Variants in DDX10 observed in about 807,000 individuals in gnomAD.
The protein encoded by DDX10 is probable ATP-dependent RNA helicase DDX10.
Under a neutral mutation model 104.3 loss-of-function variants are expected in DDX10, and 74 were observed. That is an observed-to-expected ratio of 0.71 (90% CI 0.59 to 0.86). The LOEUF is 0.86. DDX10 is among the 40% of genes least tolerant of loss of function. The pLI, the probability that DDX10 is intolerant of heterozygous loss-of-function variation, is 0.00. For missense variants in DDX10, 952 were observed against 1,040.0 expected, an observed-to-expected ratio of 0.92 and a Z score of 1.16; for synonymous variants, 351 against 353.4, an observed-to-expected ratio of 0.99 and a Z score of 0.08.
At chr11:108,684,832 C>T (rs1182369426) in intron 6 of DDX10, among the ~76,000 whole-genome samples, 125 of 148,120 alleles carry the variant, frequency 8.4e-4, no homozygotes, top group African/African-American at 3.0e-3. Context: ...GTAAAAGTGT[C>T]CCTATTTCTC....
At chr11:108,817,186 G>T (rs781241565) in intron 13 of DDX10, among the ~76,000 whole-genome samples, 1 of 152,194 alleles carries the variant, frequency 6.6e-6, no homozygotes, top group Non-Finnish European at 1.5e-5. Context: ...AGGACTTGCT[G>T]TATTCTTTCT....
chr11:108,807,665 A>C (rs879813776), intron 13 of DDX10, among the ~76,000 whole-genome samples: 2 of 152,190 alleles, frequency 1.3e-5, no homozygotes, highest in African/African-American at 2.4e-5. Flanking sequence ...GGTAAGGTTG[A>C]CATGCCTTCT....
At chr11:108,836,867 G>C (rs1862562596) in intron 13 of DDX10, among the ~76,000 whole-genome samples, 1 of 152,052 alleles carries the variant, frequency 6.6e-6, no homozygotes, top group South Asian at 2.1e-4. Flanking sequence ...TTTTTTGTGT[G>C]TACTTACTAC....
intron 16 of DDX10, among the ~76,000 whole-genome samples, chr11:108,867,207 G>A (rs925965367): frequency 5.3e-5 from 8 of 152,142 alleles, no homozygotes; most frequent in African/African-American, 1.9e-4. Context: ...TTAAAATAGA[G>A]GGTTTTGAAT....
intron 16 of DDX10, among the ~76,000 whole-genome samples, chr11:108,899,677 C>T (rs1247268246): frequency 1.3e-5 from 2 of 152,034 alleles, no homozygotes; most frequent in African/African-American, 4.8e-5. Flanking sequence ...ATGTCCCCAC[C>T]ACATCTCATA....
At position 108,846,107 on chromosome 11, in the gene DDX10, ATTGT is replaced by A. The variant is rs565372271; in HGVS notation, c.2247+4634_2247+4637del. Among the ~76,000 whole-genome samples the A allele has an allele frequency of 9.2e-5, 14 of 152,236 alleles. No individual in the cohort carries two copies. In the South Asian group the frequency reaches 2.3e-3, roughly 25 times the overall value. Reference sequence around the variant, plus strand: ...TGAATTATAACAATTTTTTACATTTATTGTTTATTTTAAAATTTTATGTTATCTT... The same window carrying A: ...TGAATTATAACAATTTTTTACATTTATTATTTTAAAATTTTATGTTATCTT... On this transcript the variant is annotated intron_variant, in intron 15 of 17. Coordinates refer to ENST00000322536, the MANE Select transcript of DDX10 (RefSeq NM_004398.4).
At chr11:108,845,470 T>C (rs1862703704) in intron 15 of DDX10, among the ~76,000 whole-genome samples, 1 of 152,212 alleles carries the variant, frequency 6.6e-6, no homozygotes, top group Non-Finnish European at 1.5e-5. Context: ...TCTGTTTCCC[T>C]TTGAGGCTGT....
At chr11:108,820,117 A>G (rs1862306735) in intron 13 of DDX10, among the ~76,000 whole-genome samples, 1 of 152,236 alleles carries the variant, frequency 6.6e-6, no homozygotes, top group Non-Finnish European at 1.5e-5. Flanking sequence ...TTATTTCATC[A>G]TCTGTAAAAT....
intron 12 of DDX10, among the ~76,000 whole-genome samples, chr11:108,720,759 T>A (rs2094297311): frequency 6.6e-6 from 1 of 151,972 alleles, no homozygotes; most frequent in African/African-American, 2.4e-5. Context: ...GCTGGCTAGT[T>A]TTTTTGTAAT....
intron 15 of DDX10, among the ~76,000 whole-genome samples, chr11:108,848,113 A>G (rs1862742549): frequency 6.6e-6 from 1 of 152,216 alleles, no homozygotes; most frequent in African/African-American, 2.4e-5. Flanking sequence ...GAGATTTTTC[A>G]TGTTTCCAGA....
intron 16 of DDX10, among the ~76,000 whole-genome samples, chr11:108,854,635 G>C (rs1263143839): frequency 6.6e-6 from 1 of 152,166 alleles, no homozygotes; most frequent in Non-Finnish European, 1.5e-5. Flanking sequence ...GTGTAAGAAA[G>C]GGAGGACTCA....
chr11:108,798,596 C>T (rs958124082), intron 13 of DDX10, among the ~76,000 whole-genome samples: 5 of 152,130 alleles, frequency 3.3e-5, no homozygotes, highest in Admixed American at 1.3e-4. Context: ...TCGTGTTCTC[C>T]CTCTTGTAGC....
At chr11:108,734,505 T>C (rs1009449094) in intron 13 of DDX10, among the ~76,000 whole-genome samples, 10 of 152,200 alleles carry the variant, frequency 6.6e-5, no homozygotes, top group African/African-American at 2.2e-4. Context: ...GGTATGCAGA[T>C]GACTTCCTGA....
intron 16 of DDX10, among the ~76,000 whole-genome samples, chr11:108,877,714 TTCACTATGGGAA>T (rs775826737): frequency 5.3e-5 from 8 of 152,214 alleles, no homozygotes; most frequent in South Asian, 4.1e-4. Context: ...AGATACAGAC[TTCACTATGGGAA>T]TCCTGTGGAA....
intron 13 of DDX10, among the ~76,000 whole-genome samples, chr11:108,727,978 C>T (rs1174651338): frequency 6.6e-6 from 1 of 151,236 alleles, no homozygotes; most frequent in African/African-American, 2.4e-5. Context: ...AAACATGATC[C>T]TTATGGGTAC....
chr11:108,780,095 A>G (rs1378995354), intron 13 of DDX10, among the ~76,000 whole-genome samples: 1 of 152,218 alleles, frequency 6.6e-6, no homozygotes, highest in Non-Finnish European at 1.5e-5. Flanking sequence ...TGGCAAAGAG[A>G]TGGACATTTA....
chr11:108,698,089 A>T (rs2094262431), intron 9 of DDX10, among the ~76,000 whole-genome samples: 1 of 152,218 alleles, frequency 6.6e-6, no homozygotes, highest in Non-Finnish European at 1.5e-5. Context: ...TTAGCATTGC[A>T]CACTCACTGG....
intron 13 of DDX10, among the ~76,000 whole-genome samples, chr11:108,805,657 C>A (rs1254459617): frequency 6.6e-6 from 1 of 151,966 alleles, no homozygotes; most frequent in African/African-American, 2.4e-5. Context: ...ATTTAATGAC[C>A]TAGAGGAGTG....
chr11:108,875,500 A>G (rs1348504245), intron 16 of DDX10, among the ~76,000 whole-genome samples: 1 of 152,178 alleles, frequency 6.6e-6, no homozygotes, highest in Non-Finnish European at 1.5e-5. Context: ...TCTCTCAGCA[A>G]GAGATTTGTT....
Sources: allele counts gnomAD v4.1 joint callset (sites outside exome capture counted in the v4.1 genomes callset), GRCh38; gene constraint gnomAD v4.1.1; transcripts MANE v1.5; gene names NCBI Gene and HGNC (gene_info 2026-07-23, HGNC 2026-07-21).